Variants in ANK2 observed in about 807,000 individuals in gnomAD.
ANK2 encodes the protein ankyrin 2.
A neutral mutation model predicts 360.5 loss-of-function variants in ANK2; 83 were observed. The ratio of observed to expected loss-of-function variants is 0.23; its 90% confidence interval spans 0.19 to 0.28. ANK2 has a LOEUF of 0.28. ANK2 is among the 10% of genes least tolerant of loss of function. The pLI is 1.00. For missense variants in ANK2, 4,201 were observed against 4,795.7 expected (o/e 0.88, Z 3.66); for synonymous variants, 1,740 against 1,759.5 (o/e 0.99, Z 0.28).
intron 4 of ANK2, among the ~76,000 whole-genome samples, chr4:113,213,783 G>A (rs1036579571): frequency 6.6e-6 from 1 of 151,942 alleles, no homozygotes; most frequent in African/African-American, 2.4e-5. Context: ...CAGAGGAAAC[G>A]TTCCAAAAAC....
At chr4:113,227,085 T>G (rs2099232979) in intron 4 of ANK2, among the ~76,000 whole-genome samples, 1 of 152,196 alleles carries the variant, frequency 6.6e-6, no homozygotes, top group African/African-American at 2.4e-5. Flanking sequence ...CCTATAAAGT[T>G]TACAGTGGTG....
intron 1 of ANK2, among the ~76,000 whole-genome samples, chr4:113,152,079 GA>G (rs1554193694): frequency 0.014 from 354 of 25,500 alleles, 2 homozygotes; most frequent in South Asian, 0.074. Flanking sequence ...AAAAAAAAAA[GA>G]AAAAAAAAAA....
At chr4:113,331,763 T>A (rs1289090363) in intron 27 of ANK2, among the ~76,000 whole-genome samples, 1 of 152,106 alleles carries the variant, frequency 6.6e-6, no homozygotes, top group African/African-American at 2.4e-5. Context: ...ACCGGACAGC[T>A]AAGTGCTCTC....
At chr4:113,311,845 A>G (rs2080148093) in intron 24 of ANK2, among the ~76,000 whole-genome samples, 1 of 152,208 alleles carries the variant, frequency 6.6e-6, no homozygotes, top group African/African-American at 2.4e-5. Context: ...GCTGAATTAA[A>G]AAGAAATACA....
At chr4:112,929,132 C>T (rs760566704) in intron 2 of ANK2, among the ~76,000 whole-genome samples, 5 of 152,134 alleles carry the variant, frequency 3.3e-5, no homozygotes, top group African/African-American at 7.2e-5. Context: ...GGATTACAGG[C>T]GTGAGCCACC....
chr4:113,233,166 G>T (rs1308379004), intron 5 of ANK2, among the ~76,000 whole-genome samples: 1 of 114,404 alleles, frequency 8.7e-6, no homozygotes, highest in South Asian at 3.1e-4. Context: ...ACGGAGTCTC[G>T]CTCTGTCGCC....
intron 2 of ANK2, among the ~76,000 whole-genome samples, chr4:112,972,790 G>A (rs2040004359): frequency 6.6e-6 from 1 of 152,110 alleles, no homozygotes; most frequent in Non-Finnish European, 1.5e-5. Flanking sequence ...TGACCAACGA[G>A]TGGATAAAGA....
intron 18 of ANK2, among the ~76,000 whole-genome samples, chr4:113,284,607 T>A (rs1213503672): frequency 6.6e-6 from 1 of 152,206 alleles, no homozygotes; most frequent in Non-Finnish European, 1.5e-5. Flanking sequence ...ATTTTTTAGT[T>A]GCACACTCAG....
chr4:113,088,063 G>GT (rs945885460), intron 1 of ANK2, among the ~76,000 whole-genome samples: 12 of 151,870 alleles, frequency 7.9e-5, no homozygotes, highest in African/African-American at 1.2e-4. Context: ...GAAAAGCCTG[G>GT]TTTTTTTTAA....
Position 113,341,701 on chromosome 4 carries a change from G to A in ANK2, c.3907G>A (p.Asp1303Asn). 6.2e-7 allele frequency: 1 copy of A among 1,614,100 alleles called. No individual in the cohort carries two copies. Among genetic ancestry groups the A allele is most frequent in the South Asian group, 1.1e-5 (1 of 91,084 alleles). The change falls in exon 33 of 46, where the codon GAT (aspartate) becomes AAT (asparagine). Residue 1303 changes from aspartate (D) to asparagine (N), a missense_variant. By Grantham distance (23) the Asp-to-Asn change is conservative. Around this residue, in one of 4 missense-constraint regions of ANK2, gnomAD observed 1,268 missense variants for 1,650.8 expected, o/e 0.77. Transcript: ENST00000357077. ...TTATTTTAATAGGTTCTGGCTGATA[G>A]ATTGTCGACAGATCCAGGAATCCGT... ...TNVSARFWLI[D>N]CRQIQESVTF...
In ANK2 at chr4:113,287,508, A is replaced by G. The variant is rs149184501; in HGVS notation, c.2080-97A>G. On this transcript the variant is annotated intron_variant, in intron 18 of 45. Coordinates refer to ENST00000357077, the MANE Select transcript of ANK2 (RefSeq NM_001148.6). ...GGGAAGAGGCTATGAGTTTTCCAGG[A>G]TATTTTCAATATTTTCAATATTTTT... is the stretch of plus-strand genomic sequence containing the variant. The G allele has an allele frequency of 7.0e-5, 67 of 958,334 alleles. No individual in the cohort carries two copies. The African/African-American group carries it at 9.9e-4, about 14-fold the overall frequency. The allele number at this position is 958,334 out of a possible 1,614,324, so 59.4% of individuals were successfully genotyped here. A position where few individuals can be genotyped will look rare whatever the true frequency, so the allele number is the denominator to read the frequency against.
the ANK2 span, among the ~76,000 whole-genome samples, chr4:112,752,909 T>C: frequency 2.6e-5 from 4 of 152,262 alleles, no homozygotes; most frequent in East Asian, 7.7e-4. Flanking sequence ...CAGGTGATCC[T>C]CCCACCTCAG....
chr4:112,998,185 G>T (rs1033528128), intron 2 of ANK2, among the ~76,000 whole-genome samples: 1 of 151,858 alleles, frequency 6.6e-6, no homozygotes, highest in African/African-American at 2.4e-5. Context: ...ATAAATAATC[G>T]CCATTTTCAA....
chr4:113,005,950 G>A (rs2052694043), intron 2 of ANK2, among the ~76,000 whole-genome samples: 1 of 152,090 alleles, frequency 6.6e-6, no homozygotes. Flanking sequence ...TTTCCACTAT[G>A]ATTGTAAGCT....
At chr4:113,240,389 G>T in intron 7 of ANK2, 96 bp from the exon 8 acceptor site, 3 of 889,824 alleles carry the variant, frequency 3.4e-6, no homozygotes, top group Non-Finnish European at 5.7e-6. Flanking sequence ...TTATATATTA[G>T]GTAGACTTTT....
intron 1 of ANK2, among the ~76,000 whole-genome samples, chr4:112,846,308 TG>T (rs1419779131): frequency 1.3e-5 from 2 of 152,024 alleles, no homozygotes; most frequent in East Asian, 3.9e-4. Flanking sequence ...GACAGGGTTT[TG>T]CTACGTTGCC....
the ANK2 span, chr4:112,738,548 A>G: frequency 2.5e-6 from 1 of 392,158 alleles, no homozygotes; most frequent in Non-Finnish European, 4.9e-6. Flanking sequence ...TGCTGCAGGT[A>G]GCTAGCAGGA....
At chr4:112,796,653 TTC>T in the ANK2 span, among the ~76,000 whole-genome samples, 1 of 134,198 alleles carries the variant, frequency 7.5e-6, no homozygotes, top group East Asian at 2.9e-4. Context: ...TCTGGCCACC[TTC>T]TTTTTTTTTT....
the ANK2 span, among the ~76,000 whole-genome samples, chr4:112,739,682 T>C: frequency 1.8e-4 from 27 of 152,114 alleles, no homozygotes; most frequent in African/African-American, 6.3e-4. Flanking sequence ...TTCCCTTAGA[T>C]GGGGGAGGGA....
Sources: gnomAD v4.1 joint callset for allele counts (sites outside exome capture counted in the v4.1 genomes callset) on GRCh38, gnomAD v4.1.1 for gene constraint, gnomAD v4.1.1 regional missense constraint, MANE v1.5 for transcripts, NCBI Gene and HGNC (gene_info 2026-07-23, HGNC 2026-07-21) for gene names.